The following ACER3 variants were observed in gnomAD, a reference collection of about 807,000 sequenced individuals.
ACER3 encodes alkCDase 3.
Under a neutral mutation model 48.9 loss-of-function variants are expected in ACER3, and 16 were observed. The observed-to-expected ratio is 0.33, with a 90% CI of 0.22 to 0.50. ACER3 has a LOEUF of 0.50. Among genes scored for constraint, ACER3 ranks in the 20% least tolerant of loss-of-function variants. The pLI is 0.98. For synonymous variants in ACER3, 109 were observed against 107.8 expected, an observed-to-expected ratio of 1.01 and a Z score of -0.07; for missense variants, 227 against 326.0, an observed-to-expected ratio of 0.70 and a Z score of 2.34.
At chr11:76,904,096 C>T (rs778507986) in intron 1 of ACER3, among the ~76,000 whole-genome samples, 4 of 152,098 alleles carry the variant, frequency 2.6e-5, no homozygotes, top group South Asian at 2.1e-4. Flanking sequence ...AAGTGATTCT[C>T]GTGCCTCAGT....
At position 76,917,470 on chromosome 11, in the gene ACER3, T is replaced by C. The variant is rs182302704; in HGVS notation, c.104-9087T>C. On this transcript the variant is annotated intron_variant, in intron 1 of 10. Coordinates refer to ENST00000532485, the MANE Select transcript of ACER3 (RefSeq NM_018367.7). ...GGCTCATGCCTGTAATCCCAGCACT[T>C]TGGGGGGCTGAGGTGGGAGGATCAT... 9.2e-5 allele frequency among the ~76,000 whole-genome samples: 14 copies of C among 152,010 alleles called. No individual in the cohort carries two copies. In the East Asian group the frequency reaches 2.7e-3, roughly 29 times the overall value.
chr11:76,862,954 C>T (rs978652500), intron 1 of ACER3, among the ~76,000 whole-genome samples: 15 of 72,280 alleles, frequency 2.1e-4, no homozygotes, highest in Non-Finnish European at 4.5e-4. Context: ...GGCTGGGCAT[C>T]GTGGCCCATG....
chr11:76,876,980 G>A (rs2134557391), intron 1 of ACER3, among the ~76,000 whole-genome samples: 1 of 152,200 alleles, frequency 6.6e-6, no homozygotes, highest in Non-Finnish European at 1.5e-5. Flanking sequence ...GTTGAGTTTT[G>A]AGAAATTTTG....
intron 1 of ACER3, among the ~76,000 whole-genome samples, chr11:76,872,228 C>T (rs1353638269): frequency 6.6e-6 from 1 of 152,058 alleles, no homozygotes; most frequent in Non-Finnish European, 1.5e-5. Context: ...GGGCATGTGC[C>T]ACCACCCCCG....
intron 6 of ACER3, among the ~76,000 whole-genome samples, chr11:76,997,898 GTATTAT>G (rs1481992310): frequency 1.3e-5 from 2 of 152,004 alleles, no homozygotes; most frequent in Non-Finnish European, 2.9e-5. Flanking sequence ...AAAGCAAACA[GTATTAT>G]TATTACTTAG....
At chr11:76,915,444 C>G (rs577533205) in intron 1 of ACER3, among the ~76,000 whole-genome samples, 124 of 152,180 alleles carry the variant, frequency 8.1e-4, no homozygotes, top group Non-Finnish European at 1.4e-3. Context: ...ACCCACCCCC[C>G]CGAGATCGTA....
intron 1 of ACER3, among the ~76,000 whole-genome samples, chr11:76,882,836 C>T (rs1945562385): frequency 6.6e-6 from 1 of 152,182 alleles, no homozygotes; most frequent in Admixed American, 6.5e-5. Context: ...TGTTTCTTGA[C>T]CAGCATCTCA....
intron 3 of ACER3, among the ~76,000 whole-genome samples, chr11:76,974,929 C>T (rs528555153): frequency 6.6e-6 from 1 of 152,224 alleles, no homozygotes; most frequent in Non-Finnish European, 1.5e-5. Context: ...TGTGCCATTG[C>T]ACTCCAGCCT....
At position 76,969,489 on chromosome 11, in the gene ACER3, G is replaced by T. The variant is rs754639113; in HGVS notation, c.268-6800G>T. 8.9e-3 allele frequency among the ~76,000 whole-genome samples: 1,349 copies of T among 151,584 alleles called. 7 individuals are homozygous for T. Among genetic ancestry groups the T allele is most frequent in the Non-Finnish European group, 0.012 (791 of 67,688 alleles). On this transcript the variant is annotated intron_variant, in intron 3 of 10. Transcript: ENST00000532485. ...TAAATCATGCTGCTATAAAGACACA[G>T]GCACACGTATGTTTATTGTGGCACT...
chr11:76,998,449 G>A lies in ACER3; in HGVS notation c.439-314G>A, dbSNP rs1674021448. ...AGCTAAAGAGAAGAGAGGAGCTAAA[G>A]ATTATGAGGCAAAATTACAGCATTT... On this transcript the variant is annotated intron_variant, in intron 6 of 10. Coordinates refer to ENST00000532485, the MANE Select transcript of ACER3 (RefSeq NM_018367.7). 3 of 298,874 alleles carry A rather than the reference G, an allele frequency of 1.0e-5. No individual in the cohort carries two copies. The South Asian group carries it at 1.2e-4, about 12-fold the overall frequency. 18.5% of individuals were successfully genotyped at this position (298,874 alleles called of 1,614,324 possible).
At chr11:76,929,416 A>G (rs1292704983) in intron 2 of ACER3, among the ~76,000 whole-genome samples, 1 of 152,212 alleles carries the variant, frequency 6.6e-6, no homozygotes, top group Non-Finnish European at 1.5e-5. Flanking sequence ...AACAGGGACA[A>G]TTTGACTTCC....
chr11:76,882,345 A>G (rs748291305), intron 1 of ACER3, among the ~76,000 whole-genome samples: 1 of 151,978 alleles, frequency 6.6e-6, no homozygotes. Context: ...CATGTTGGGT[A>G]GTTTTGATTG....
chr11:76,864,089 T>C (rs1945011239), intron 1 of ACER3, among the ~76,000 whole-genome samples: 1 of 152,202 alleles, frequency 6.6e-6, no homozygotes, highest in Non-Finnish European at 1.5e-5. Flanking sequence ...TAATGAAGTG[T>C]TTGGGGAATT....
chr11:76,973,156 A>G (rs1423003203), intron 3 of ACER3, among the ~76,000 whole-genome samples: 1 of 152,226 alleles, frequency 6.6e-6, no homozygotes, highest in African/African-American at 2.4e-5. Context: ...AAGCCGGGAA[A>G]GGCAGGCAAC....
chr11:76,937,744 G>A (rs1947229537), intron 2 of ACER3, among the ~76,000 whole-genome samples: 1 of 152,066 alleles, frequency 6.6e-6, no homozygotes, highest in Non-Finnish European at 1.5e-5. Flanking sequence ...AGAGGAGAGA[G>A]TGACACTTCT....
At chr11:76,928,862 A>G (rs534346718) in intron 2 of ACER3, among the ~76,000 whole-genome samples, 2 of 152,312 alleles carry the variant, frequency 1.3e-5, no homozygotes, top group East Asian at 1.9e-4. Context: ...TGGTTTCTGT[A>G]GCCTTGTAGT....
chr11:76,982,726 A>G (rs997275640), intron 4 of ACER3, among the ~76,000 whole-genome samples: 1 of 152,174 alleles, frequency 6.6e-6, no homozygotes, highest in South Asian at 2.1e-4. Context: ...TTTGTGTCAT[A>G]AGAGATCTTT....
At chr11:77,000,335 C>A (rs2135265483) in intron 7 of ACER3, among the ~76,000 whole-genome samples, 1 of 152,128 alleles carries the variant, frequency 6.6e-6, no homozygotes, top group African/African-American at 2.4e-5. Flanking sequence ...GATTCTAATT[C>A]TTTATTAAAT....
chr11:77,021,151 A>AC lies in ACER3; in HGVS notation c.*827dup, dbSNP rs1949464885. The AC allele has an allele frequency of 6.6e-6, 1 of 152,212 alleles. No individual in the cohort carries two copies. Among genetic ancestry groups the AC allele is most frequent in the Non-Finnish European group, 1.5e-5 (1 of 68,040 alleles). 9.4% of individuals were successfully genotyped at this position (152,212 alleles called of 1,614,324 possible). On this transcript the variant is annotated 3_prime_UTR_variant, in exon 11 of 11. Coordinates refer to ENST00000532485, the MANE Select transcript of ACER3 (RefSeq NM_018367.7). ...ACAAATATGACTGGTGGTCTAGACT[A>AC]CCCATAGTTCATCCTCCTCACATAA...
Sources: gnomAD v4.1 joint callset for allele counts (sites outside exome capture counted in the v4.1 genomes callset) on GRCh38, gnomAD v4.1.1 for gene constraint, MANE v1.5 for transcripts, NCBI Gene and HGNC (gene_info 2026-07-23, HGNC 2026-07-21) for gene names.